The following LCOR variants were observed in gnomAD, a reference collection of about 807,000 sequenced individuals.
The protein encoded by LCOR is ligand dependent nuclear receptor corepressor.
Under a neutral mutation model 64.4 loss-of-function variants are expected in LCOR, and 14 were observed. That is an observed-to-expected ratio of 0.22 (90% CI 0.14 to 0.34). The LOEUF (loss-of-function observed/expected upper bound fraction) is 0.34. Ranked by LOEUF, LCOR falls within the 10% of genes least tolerant of loss-of-function variation. The pLI is 1.00. For synonymous variants in LCOR, 643 were observed against 642.5 expected (o/e 1.00, Z -0.01); for missense variants, 1,686 against 1,765.3 (o/e 0.96, Z 0.80).
At chr10:96,871,634 A>C (rs1264164673) in intron 2 of LCOR, among the ~76,000 whole-genome samples, 5 of 150,846 alleles carry the variant, frequency 3.3e-5, no homozygotes, top group Non-Finnish European at 7.4e-5. Flanking sequence ...CATGTTGCTC[A>C]GGCTAGTCTT....
intron 7 of LCOR, chr10:96,954,872 C>G: frequency 9.6e-7 from 1 of 1,046,956 alleles, no homozygotes; most frequent in Non-Finnish European, 1.4e-6. Flanking sequence ...GCAAGGCCTT[C>G]TAATAAAGGA....
chr10:96,935,222 C>T (rs1471102572), intron 4 of LCOR, among the ~76,000 whole-genome samples: 3 of 139,896 alleles, frequency 2.1e-5, no homozygotes, highest in East Asian at 4.4e-4. Flanking sequence ...GATCTTGGCG[C>T]ACTGCAACCT....
intron 2 of LCOR, among the ~76,000 whole-genome samples, chr10:96,868,151 T>A (rs1236569563): frequency 6.6e-6 from 1 of 152,198 alleles, no homozygotes; most frequent in African/African-American, 2.4e-5. Context: ...CCCAAAGTGC[T>A]GGGATTACAG....
intron 2 of LCOR, among the ~76,000 whole-genome samples, chr10:96,838,873 C>CT (rs1239181691): frequency 6.6e-6 from 1 of 152,128 alleles, no homozygotes; most frequent in African/African-American, 2.4e-5. Flanking sequence ...CATGTGGTAA[C>CT]TGTTTTAATT....
rs974000235 is a variant in LCOR at position 96,986,198 on chromosome 10, T to C, written c.*1064T>C. On this transcript the variant is annotated 3_prime_UTR_variant, in exon 8 of 8. Transcript: ENST00000421806. ...ATCCCAATTTTACAGTAAAATTTTT[T>C]CCCTATGCAGTGTGCTTGGGTGTCC... The C allele has an allele frequency of 2.4e-5, 4 of 167,068 alleles. No homozygotes were observed. The highest frequency in any genetic ancestry group is 9.7e-5 in the African/African-American group (4 of 41,448). 10.3% of individuals were successfully genotyped at this position (167,068 alleles called of 1,614,324 possible).
intron 2 of LCOR, among the ~76,000 whole-genome samples, chr10:96,867,767 A>G (rs1027557247): frequency 6.6e-6 from 1 of 152,146 alleles, no homozygotes; most frequent in Non-Finnish European, 1.5e-5. Context: ...AATCTACTTA[A>G]TATGTAAAAA....
chr10:96,981,345 A>G lies in LCOR; in HGVS notation c.885A>G (p.Gln295=), dbSNP rs1486633609. 6.2e-7 allele frequency: 1 copy of G among 1,613,468 alleles called. No individual in the cohort carries two copies. Residue 295 remains glutamine (Q), a synonymous_variant, in exon 8 of 8, where the codon CAA becomes CAG. Transcript: ENST00000421806. ...PKILEGQTTG[Q]EQDTNVNICE... ...TCTTGGAGGGGCAGACCACTGGACA[A>G]GAGCAAGACACAAATGTGAACATAT...
At chr10:96,836,343 A>G (rs1345671576) in intron 2 of LCOR, among the ~76,000 whole-genome samples, 1 of 152,076 alleles carries the variant, frequency 6.6e-6, no homozygotes, top group Non-Finnish European at 1.5e-5. Context: ...GCTGGTCTCA[A>G]ACTCCTCCTG....
At chr10:96,948,921 A>C in intron 5 of LCOR, 87 bp from the exon 6 acceptor site, 1 of 1,044,056 alleles carries the variant, frequency 9.6e-7, no homozygotes, top group South Asian at 1.8e-5. Context: ...ATTTTAAGAA[A>C]AATAAAATGA....
chr10:96,956,241 G>T lies in LCOR; in HGVS notation c.332+4045G>T, dbSNP rs529416779. 1,540 of 1,017,868 alleles carry T rather than the reference G, an allele frequency of 1.5e-3. 3 individuals carry two copies. The highest frequency in any genetic ancestry group is 3.4e-3 in the Middle Eastern group (7 of 2,048). The allele number at this position is 1,017,868 out of a possible 1,614,324, so 63.1% of individuals were successfully genotyped here. ...CCTGCATGCTTTTTTGTTTTTTTTT[G>T]TTGTTGTTGTTTTTTCTTAAGTTAT... On this transcript the variant is annotated intron_variant, in intron 7 of 7. Coordinates refer to ENST00000421806, the MANE Select transcript of LCOR (RefSeq NM_001346516.2).
In LCOR at chr10:96,984,074, G is replaced by A. The variant is rs778649685; in HGVS notation, c.3614G>A (p.Arg1205His). Residue 1205 changes from arginine to histidine, a missense_variant, in exon 8 of 8, where the codon CGC becomes CAC. Physicochemically the swap from Arg to His is conservative, Grantham distance 29. This residue lies in a region of LCOR where 1,293 missense variants were observed against 1,410.4 expected (regional missense o/e 0.92). Coordinates refer to ENST00000421806, the MANE Select transcript of LCOR (RefSeq NM_001346516.2). ...SLVIVKKLNT[R>H]LPGDVPPVKH... Reference sequence around the variant, plus strand: ...GTCATTGTGAAGAAGCTCAATACTCGCCTTCCAGGAGACGTTCCCCCTGTC... The same window carrying A: ...GTCATTGTGAAGAAGCTCAATACTCACCTTCCAGGAGACGTTCCCCCTGTC... 2 of 1,613,850 alleles carry A rather than the reference G, an allele frequency of 1.2e-6. No individual in the cohort carries two copies. The highest frequency in any genetic ancestry group is 8.5e-7 in the Non-Finnish European group (1 of 1,179,956).
intron 4 of LCOR, among the ~76,000 whole-genome samples, chr10:96,932,236 G>T (rs186521071): frequency 1.8e-4 from 28 of 152,206 alleles, no homozygotes; most frequent in Admixed American, 1.5e-3. Flanking sequence ...GAACTATTAT[G>T]ATGATTTTAT....
chr10:96,839,947 C>T (rs763581060), intron 2 of LCOR, among the ~76,000 whole-genome samples: 231 of 152,308 alleles, frequency 1.5e-3, no homozygotes, highest in Non-Finnish European at 2.4e-3. Context: ...TCCCAGAGTG[C>T]TGGGATTACA....
At chr10:96,847,916 T>C (rs1845659878) in intron 2 of LCOR, among the ~76,000 whole-genome samples, 1 of 151,256 alleles carries the variant, frequency 6.6e-6, no homozygotes, top group African/African-American at 2.5e-5. Context: ...GGTTTTTGCC[T>C]TTTTTCCCCC....
chr10:96,942,305 TGGCGGCGCGCGCCTGCAATC>T (rs1847503368), intron 4 of LCOR, among the ~76,000 whole-genome samples: 7 of 149,570 alleles, frequency 4.7e-5, no homozygotes, highest in Non-Finnish European at 7.4e-5. Context: ...CAGTCAGGCG[TGGCGGCGCGCGCCTGCAATC>T]GCAGGCACTC....
At chr10:96,851,160 C>T (rs1262517306) in intron 2 of LCOR, among the ~76,000 whole-genome samples, 1 of 152,196 alleles carries the variant, frequency 6.6e-6, no homozygotes, top group Non-Finnish European at 1.5e-5. Context: ...TGTACTACTG[C>T]TCATGCTTAC....
Position 96,985,203 on chromosome 10 carries a change from CT to C in LCOR, c.*70del. ...ACCTTTTATTTTGCATTAACTAAAT[CT>C]GCTTTTATAAGCTTATCAAGCCTTT... On this transcript the variant is annotated 3_prime_UTR_variant, in exon 8 of 8. Transcript: ENST00000421806. 6.7e-7 allele frequency: 1 copy of C among 1,486,498 alleles called. No homozygotes were observed. Among genetic ancestry groups the C allele is most frequent in the Non-Finnish European group, 8.9e-7 (1 of 1,119,136 alleles). 92.1% of individuals were successfully genotyped at this position (1,486,498 alleles called of 1,614,324 possible). A position where few individuals can be genotyped will look rare whatever the true frequency, so the allele number is the denominator to read the frequency against.
At chr10:96,907,938 TTAAGAAACC>T (rs1846757752) in intron 4 of LCOR, 191 bp downstream of exon 4, 1 of 152,798 alleles carries the variant, frequency 6.5e-6, no homozygotes, top group African/African-American at 2.4e-5. Flanking sequence ...GATTAGCCTA[TTAAGAAACC>T]TATATCCTAC....
chr10:96,937,279 C>A (rs1589667702), intron 4 of LCOR, among the ~76,000 whole-genome samples: 1 of 152,302 alleles, frequency 6.6e-6, no homozygotes, highest in Middle Eastern at 3.4e-3. Context: ...CAAGGAAGGA[C>A]TCTTCTCTAG....
Sources: gnomAD v4.1 joint callset for allele counts (sites outside exome capture counted in the v4.1 genomes callset) on GRCh38, gnomAD v4.1.1 for gene constraint, gnomAD v4.1.1 regional missense constraint, MANE v1.5 for transcripts, NCBI Gene and HGNC (gene_info 2026-07-23, HGNC 2026-07-21) for gene names.